The following XPO6 variants were observed in gnomAD, a reference collection of about 807,000 sequenced individuals.
XPO6 encodes the protein exportin-6.
In XPO6, 3 loss-of-function variants were observed where a neutral mutation model predicts 130.0. That is an observed-to-expected ratio of 0.02 (90% confidence interval 0.01 to 0.06). XPO6 has a LOEUF of 0.06. Ranked by LOEUF, XPO6 falls within the 10% of genes least tolerant of loss-of-function variation. XPO6 has a pLI of 1.00. For missense variants in XPO6, 970 were observed against 1,393.0 expected (o/e 0.70, Z 4.83); for synonymous variants, 524 against 548.9 (o/e 0.95, Z 0.63).
intron 1 of XPO6, 137 bp downstream of exon 1, chr16:28,211,229 G>GC (rs1188425963): frequency 2.3e-6 from 2 of 858,240 alleles, no homozygotes; most frequent in African/African-American, 3.5e-5. Context: ...CACTCTGCAC[G>GC]CATGTGTCAC....
intron 23 of XPO6, among the ~76,000 whole-genome samples, chr16:28,100,352 A>G (rs752082319): frequency 8.5e-5 from 13 of 152,254 alleles, no homozygotes; most frequent in Non-Finnish European, 7.3e-5. Context: ...ATGTCGTTAG[A>G]AGCTGATCAT....
rs2043547971 is a variant in XPO6 at position 28,177,227 on chromosome 16, A to G, written c.200T>C (p.Val67Ala). Residue 67 changes from valine (V) to alanine (A), a missense_variant, in exon 3 of 24, where the codon GTT (valine) becomes GCT (alanine). Val to Ala is a moderately conservative substitution (Grantham distance 64). Transcript: ENST00000304658. ...NDYVMMYSLT[V>A]FENLINKMWL... ...AAATTACTGACAACTTACCTCAAAA[A>G]CTGTTAAACTGTACATCATTACATA... 1 of 1,596,660 alleles carries G rather than the reference A, an allele frequency of 6.3e-7. No individual in the cohort carries two copies. The highest frequency in any genetic ancestry group is 8.5e-7 in the Non-Finnish European group (1 of 1,173,996).
At chr16:28,197,655 G>A (rs1044380447) in intron 1 of XPO6, among the ~76,000 whole-genome samples, 1 of 151,852 alleles carries the variant, frequency 6.6e-6, no homozygotes, top group Non-Finnish European at 1.5e-5. Context: ...GGTGGCTCAC[G>A]CCTGTAATCC....
At chr16:28,159,824 T>G (rs1455578344) in intron 6 of XPO6, among the ~76,000 whole-genome samples, 2 of 152,218 alleles carry the variant, frequency 1.3e-5, no homozygotes, top group African/African-American at 4.8e-5. Context: ...TTTTAGAAAT[T>G]AGTATTTCTT....
At chr16:28,196,366 A>T in intron 1 of XPO6, among the ~76,000 whole-genome samples, 1 of 152,138 alleles carries the variant, frequency 6.6e-6, no homozygotes, top group East Asian at 1.9e-4. Flanking sequence ...AGAATAAGCA[A>T]ATTCATGAGA....
intron 2 of XPO6, 71 bp downstream of exon 2, chr16:28,180,870 G>A (rs944226144): frequency 1.3e-4 from 172 of 1,292,582 alleles, no homozygotes; most frequent in Admixed American, 2.0e-4. Context: ...TCACGGCTAC[G>A]AACAACTCCT....
chr16:28,137,531 A>C (rs2042803652), intron 9 of XPO6, among the ~76,000 whole-genome samples: 2 of 152,186 alleles, frequency 1.3e-5, no homozygotes, highest in Admixed American at 6.5e-5. Context: ...ACCAAGACCA[A>C]ATACAGTCCA....
chr16:28,107,500 G>A lies in XPO6; in HGVS notation c.2497+22C>T, dbSNP rs775416083. 5.6e-6 allele frequency: 9 copies of A among 1,613,298 alleles called. No individual in the cohort carries two copies. In the African/African-American group the frequency reaches 1.2e-4, roughly 22 times the overall value. On this transcript the variant is annotated intron_variant, in intron 18 of 23. Transcript: ENST00000304658. ...CCCTTGTTAGCACCACCCACCAGTG[G>A]GGCCTCTGGGCCAGCTCCTACCTGA...
intron 21 of XPO6, among the ~76,000 whole-genome samples, chr16:28,103,403 A>C (rs1354877309): frequency 6.6e-6 from 1 of 152,206 alleles, no homozygotes; most frequent in Non-Finnish European, 1.5e-5. Flanking sequence ...GGATACTCAA[A>C]GTGTTTCCAG....
At chr16:28,179,620 A>G (rs2043585031) in intron 2 of XPO6, among the ~76,000 whole-genome samples, 2 of 152,182 alleles carry the variant, frequency 1.3e-5, no homozygotes, top group Non-Finnish European at 2.9e-5. Context: ...AGCTCTATCA[A>G]TTTCTAGAGC....
At position 28,098,119 on chromosome 16, in the gene XPO6, G is replaced by C. The variant is rs189775795; in HGVS notation, c.*419C>G. On this transcript the variant is annotated 3_prime_UTR_variant, in exon 24 of 24. Transcript: ENST00000304658. ...AGAGCAGAGATCTCAAGGCAATTGG[G>C]GCGGGGGAGGCTTGACAGAAGTGCC... 1 of 164,000 alleles carries C rather than the reference G, an allele frequency of 6.1e-6. No individual in the cohort carries two copies. Among genetic ancestry groups the C allele is most frequent in the East Asian group, 1.8e-4 (1 of 5,706 alleles). 10.2% of individuals were successfully genotyped at this position (164,000 alleles called of 1,614,324 possible).
intron 18 of XPO6, among the ~76,000 whole-genome samples, chr16:28,107,184 A>G (rs182598968): frequency 3.7e-4 from 57 of 152,354 alleles, no homozygotes; most frequent in African/African-American, 1.2e-3. Context: ...AGAGCTAGAG[A>G]GGCCCTCTAT....
At chr16:28,202,187 C>A (rs1466136716) in intron 1 of XPO6, among the ~76,000 whole-genome samples, 1 of 152,206 alleles carries the variant, frequency 6.6e-6, no homozygotes, top group Non-Finnish European at 1.5e-5. Flanking sequence ...TTCATAGATA[C>A]TCCAAATAAA....
rs138616483 is a variant in XPO6, at chr16:28,142,362, G to A, written c.1334+3732C>T. Among the ~76,000 whole-genome samples, 12 of 152,316 alleles carry A rather than the reference G, an allele frequency of 7.9e-5. No individual in the cohort carries two copies. In the East Asian group the frequency reaches 2.3e-3, roughly 29 times the overall value. On this transcript the variant is annotated intron_variant, in intron 9 of 23. Transcript: ENST00000304658. ...ATATATTAAGAGTCTCTCATAGTCT[G>A]GAGTGGTGAATGTTAAGGGTTACAG...
chr16:28,132,100 T>A lies in XPO6; in HGVS notation c.1606+234A>T, dbSNP rs1567610614. ...GTCCTGTCTCTTTACTCCAAATCAG[T>A]TTCTTTTCCAAACACCTCCTTGGAA... On this transcript the variant is annotated intron_variant, in intron 12 of 23. Coordinates refer to ENST00000304658, the MANE Select transcript of XPO6 (RefSeq NM_015171.4). This position sits in a 1 kb window ranked among gnomAD's most constrained non-coding sequence, Gnocchi z 4.0. Among the ~76,000 whole-genome samples the A allele has an allele frequency of 6.6e-6, 1 of 152,222 alleles. No homozygotes were observed.
intron 6 of XPO6, among the ~76,000 whole-genome samples, chr16:28,166,278 C>A (rs1293688721): frequency 6.6e-6 from 1 of 152,066 alleles, no homozygotes; most frequent in Non-Finnish European, 1.5e-5. Context: ...CCATGACATT[C>A]AGGAAAAATA....
intron 16 of XPO6, 42 bp from the exon 17 acceptor site, chr16:28,112,048 A>C: frequency 6.4e-7 from 1 of 1,574,192 alleles, no homozygotes; most frequent in African/African-American, 1.3e-5. Context: ...GTCAGAGCCA[A>C]AGACCGTGGT....
chr16:28,167,064 C>G, intron 5 of XPO6: 48 of 886,434 alleles, frequency 5.4e-5, no homozygotes, highest in Non-Finnish European at 5.8e-5. Flanking sequence ...GACTGACCTG[C>G]TTCTCCTCTC....
chr16:28,106,351 C>A lies in XPO6; in HGVS notation c.2612+32G>T, dbSNP rs1474104800. ...CAGACCCACCACTTCTCCCTTGAAT[C>A]TGAAAACTATAGATGGTGGGTCTGT... On this transcript the variant is annotated intron_variant, in intron 19 of 23. Transcript: ENST00000304658. This position sits in a 1 kb window ranked among gnomAD's most constrained non-coding sequence, Gnocchi z 4.2. The A allele has an allele frequency of 6.2e-7, 1 of 1,611,168 alleles. No homozygotes were observed. Among genetic ancestry groups the A allele is most frequent in the Non-Finnish European group, 8.5e-7 (1 of 1,177,334 alleles).
Sources: gnomAD v4.1 joint callset for allele counts (sites outside exome capture counted in the v4.1 genomes callset) on GRCh38, gnomAD v4.1.1 for gene constraint, Gnocchi (gnomAD v3.1) non-coding constraint, MANE v1.5 for transcripts, NCBI Gene and HGNC (gene_info 2026-07-23, HGNC 2026-07-21) for gene names.